The following RANBP2 variants were observed in gnomAD, a reference collection of about 807,000 sequenced individuals.
RANBP2 encodes the protein E3 SUMO-protein ligase RanBP2.
A neutral mutation model predicts 303.6 loss-of-function variants in RANBP2; 57 were observed. The observed-to-expected ratio is 0.19, with a 90% CI of 0.15 to 0.23. RANBP2 has a LOEUF of 0.23. Among genes scored for constraint, RANBP2 ranks in the 10% least tolerant of loss-of-function variants. The pLI is 1.00. For synonymous variants in RANBP2, 1,167 were observed against 1,301.5 expected (o/e 0.90, Z 2.23); for missense variants, 3,138 against 3,780.8 (o/e 0.83, Z 4.46).
the RANBP2 span, among the ~76,000 whole-genome samples, chr2:109,326,062 T>C: frequency 5.3e-5 from 8 of 152,376 alleles, no homozygotes; most frequent in South Asian, 1.7e-3. Flanking sequence ...TCCAGGGGTA[T>C]CCTGGGCGTA....
the RANBP2 span, among the ~76,000 whole-genome samples, chr2:108,931,295 C>T: frequency 2.6e-4 from 39 of 152,310 alleles, 1 homozygote; most frequent in South Asian, 1.5e-3. Flanking sequence ...AGGTTAAACC[C>T]GAGGTTAGTG....
the RANBP2 span, among the ~76,000 whole-genome samples, chr2:109,383,643 A>G: frequency 6.6e-6 from 1 of 151,970 alleles, no homozygotes; most frequent in Non-Finnish European, 1.5e-5. Flanking sequence ...CCTGAATTCC[A>G]CCTGTGATGC....
the RANBP2 span, among the ~76,000 whole-genome samples, chr2:109,212,267 G>T: frequency 6.6e-6 from 1 of 152,184 alleles, no homozygotes; most frequent in African/African-American, 2.4e-5. Context: ...AAATGAGGCT[G>T]CCCAGAAAAG....
At chr2:109,195,629 T>G in the RANBP2 span, among the ~76,000 whole-genome samples, 1 of 152,206 alleles carries the variant, frequency 6.6e-6, no homozygotes, top group Non-Finnish European at 1.5e-5. Context: ...GATGCCTCTT[T>G]CCCCGCAGGC....
chr2:109,525,371 C>T, the RANBP2 span, among the ~76,000 whole-genome samples: 1 of 152,078 alleles, frequency 6.6e-6, no homozygotes, highest in Non-Finnish European at 1.5e-5. Context: ...ACCATCTTGG[C>T]CAGGCTGGTC....
the RANBP2 span, among the ~76,000 whole-genome samples, chr2:109,083,536 A>T: frequency 6.6e-6 from 1 of 152,230 alleles, no homozygotes; most frequent in East Asian, 1.9e-4. Context: ...TTATTCATTC[A>T]TCCTCTGATG....
At chr2:109,334,316 C>G in the RANBP2 span, among the ~76,000 whole-genome samples, 1 of 145,306 alleles carries the variant, frequency 6.9e-6, no homozygotes, top group Non-Finnish European at 1.5e-5. Flanking sequence ...CATGATCACA[C>G]CACTCGACTT....
At chr2:109,513,076 C>T in the RANBP2 span, among the ~76,000 whole-genome samples, 1 of 152,326 alleles carries the variant, frequency 6.6e-6, no homozygotes, top group Middle Eastern at 3.4e-3. Flanking sequence ...ATGTGCTGCC[C>T]TTCCTGGGGC....
At chr2:108,729,222 A>T (rs781376773) in intron 2 of RANBP2, 23 bp downstream of exon 2, 2 of 1,514,432 alleles carry the variant, frequency 1.3e-6, no homozygotes, top group Non-Finnish European at 8.9e-7. Flanking sequence ...TGTAACATGT[A>T]TTTTTTTTTT....
chr2:108,925,211 T>C, the RANBP2 span, among the ~76,000 whole-genome samples: 1 of 152,104 alleles, frequency 6.6e-6, no homozygotes, highest in East Asian at 1.9e-4. Flanking sequence ...GACCTTGTGC[T>C]AGGTACTAAG....
the RANBP2 span, among the ~76,000 whole-genome samples, chr2:109,378,634 C>T: frequency 6.6e-6 from 1 of 152,152 alleles, no homozygotes; most frequent in African/African-American, 2.4e-5. Flanking sequence ...ATTGCTTAGA[C>T]TCAGTTTGGT....
At chr2:109,302,648 G>T in the RANBP2 span, among the ~76,000 whole-genome samples, 1 of 152,228 alleles carries the variant, frequency 6.6e-6, no homozygotes. Context: ...GCCAGGTCTG[G>T]CTCGGGATGG....
the RANBP2 span, among the ~76,000 whole-genome samples, chr2:109,599,172 T>A: frequency 3.3e-5 from 5 of 151,560 alleles, no homozygotes; most frequent in East Asian, 1.9e-4. Flanking sequence ...AGAACTCAAG[T>A]GGAGGCCGGG....
chr2:109,567,987 T>C, the RANBP2 span: 6 of 1,559,482 alleles, frequency 3.8e-6, no homozygotes, highest in East Asian at 4.5e-5. Flanking sequence ...CTATTAAGAA[T>C]AAAGAAAAAC....
the RANBP2 span, among the ~76,000 whole-genome samples, chr2:108,921,566 G>A: frequency 6.6e-6 from 1 of 152,226 alleles, no homozygotes. Flanking sequence ...AATGTTTGCT[G>A]CCCAGAGTGG....
At chr2:109,004,609 G>A in the RANBP2 span, among the ~76,000 whole-genome samples, 66 of 152,192 alleles carry the variant, frequency 4.3e-4, no homozygotes, top group African/African-American at 1.5e-3. Context: ...AGTGAGAAGC[G>A]AGAAGAGGGT....
the RANBP2 span, among the ~76,000 whole-genome samples, chr2:109,547,700 T>C: frequency 6.6e-6 from 1 of 152,146 alleles, no homozygotes; most frequent in African/African-American, 2.4e-5. Flanking sequence ...ATGAAGGGCA[T>C]AAAACTCTGG....
chr2:109,542,412 A>G, the RANBP2 span, among the ~76,000 whole-genome samples: 1 of 152,232 alleles, frequency 6.6e-6, no homozygotes, highest in Admixed American at 6.5e-5. Context: ...GTTCTTTTCA[A>G]CCAGAAACTT....
chr2:108,807,299 T>C, the RANBP2 span, among the ~76,000 whole-genome samples: 1 of 152,142 alleles, frequency 6.6e-6, no homozygotes, highest in Non-Finnish European at 1.5e-5. Context: ...AATAAGTCTA[T>C]GGAAAGGAAT....
Sources: allele counts gnomAD v4.1 joint callset (sites outside exome capture counted in the v4.1 genomes callset), GRCh38; gene constraint gnomAD v4.1.1; transcripts MANE v1.5; gene names NCBI Gene and HGNC (gene_info 2026-07-23, HGNC 2026-07-21).